Variants in ANO3 observed in about 807,000 individuals in gnomAD.
The protein encoded by ANO3 is anoctamin-3.
A neutral mutation model predicts 144.8 loss-of-function variants in ANO3; 99 were observed. The ratio of observed to expected loss-of-function variants is 0.68; its 90% CI spans 0.58 to 0.81. The LOEUF is 0.81. Ranked by LOEUF, ANO3 falls within the 30% of genes least tolerant of loss-of-function variation. The pLI, the probability that ANO3 is intolerant of heterozygous loss-of-function variation, is 0.00. For missense variants in ANO3, 905 were observed against 1,202.2 expected (o/e 0.75, Z 3.66); for synonymous variants, 414 against 392.6 (o/e 1.05, Z -0.64).
chr11:26,460,293 G>C (rs1325659602), intron 3 of ANO3, among the ~76,000 whole-genome samples: 1 of 151,728 alleles, frequency 6.6e-6, no homozygotes, highest in Non-Finnish European at 1.5e-5. Flanking sequence ...TTAGGTTCAA[G>C]AGGTATATGT....
At chr11:26,368,645 AAG>A (rs1057149504) in intron 1 of ANO3, among the ~76,000 whole-genome samples, 17 of 151,360 alleles carry the variant, frequency 1.1e-4, no homozygotes, top group Admixed American at 5.3e-4. Flanking sequence ...AAGAGAGACA[AAG>A]AGGAGGGAAG....
chr11:26,559,336 T>G (rs1308971338), intron 13 of ANO3: 2 of 169,940 alleles, frequency 1.2e-5, no homozygotes, highest in Non-Finnish European at 2.5e-5. Flanking sequence ...TCCTAGAAGT[T>G]TTGCTAACAG....
chr11:26,274,296 T>C (rs1853511741), intron 1 of ANO3, among the ~76,000 whole-genome samples: 1 of 151,978 alleles, frequency 6.6e-6, no homozygotes, highest in African/African-American at 2.4e-5. Flanking sequence ...AAATAAACAA[T>C]ATACAATATT....
intron 1 of ANO3, among the ~76,000 whole-genome samples, chr11:26,407,413 C>T (rs769247110): frequency 1.1e-4 from 16 of 151,652 alleles, no homozygotes; most frequent in Non-Finnish European, 2.2e-4. Context: ...GGAACATATT[C>T]TAGTACTGAC....
At chr11:26,573,155 C>T (rs888361606) in intron 14 of ANO3, among the ~76,000 whole-genome samples, 1 of 152,122 alleles carries the variant, frequency 6.6e-6, no homozygotes, top group East Asian at 1.9e-4. Context: ...AACTGCTGAG[C>T]GAGAAACGAA....
At position 26,634,232 on chromosome 11, in the gene ANO3, A is replaced by G; in HGVS notation, c.1902A>G (p.Glu634=). The change falls in exon 19 of 27, where the codon GAA becomes GAG. Residue 634 remains glutamate (E), a synonymous_variant. Transcript: ENST00000256737. ...ATCCTCGAACAGAATCAGAGTGGGAAAACAGCTTCGCCCTGAAGATGTTCC... is the reference window on the plus strand; with the variant it reads ...ATCCTCGAACAGAATCAGAGTGGGAGAACAGCTTCGCCCTGAAGATGTTCC... The part of the protein sequence containing the change: ...LEYPRTESEW[E]NSFALKMFLF... 1.2e-6 allele frequency: 2 copies of G among 1,613,870 alleles called. No individual in the cohort carries two copies. Among genetic ancestry groups the G allele is most frequent in the East Asian group, 4.5e-5 (2 of 44,866 alleles).
rs12280854 is a variant in ANO3, at chr11:26,245,014, T to C, written c.154+55684T>C. ...GTGTGTGTGTGTGTGTGTGTGTGTG[T>C]GTGTGTGCATGCATGCATTTGTCTT... On this transcript the variant is annotated intron_variant, in intron 1 of 27. Coordinates refer to the ANO3 transcript ENST00000672621. 5.0e-3 allele frequency among the ~76,000 whole-genome samples: 531 copies of C among 106,176 alleles called. 6 individuals are homozygous for C. Among genetic ancestry groups the C allele is most frequent in the African/African-American group, 0.014 (414 of 30,114 alleles). 69.7% of individuals were successfully genotyped at this position (106,176 alleles called of 152,430 possible).
intron 4 of ANO3, among the ~76,000 whole-genome samples, chr11:26,475,524 A>T (rs1386416652): frequency 6.6e-6 from 1 of 152,026 alleles, no homozygotes; most frequent in East Asian, 1.9e-4. Context: ...ACCTAGACCA[A>T]TTCATTGCTT....
At chr11:26,223,096 G>T (rs1391652512) in intron 1 of ANO3, among the ~76,000 whole-genome samples, 2 of 149,800 alleles carry the variant, frequency 1.3e-5, no homozygotes, top group Non-Finnish European at 3.0e-5. Flanking sequence ...AGGCTTTTCT[G>T]CTCTGCTTCT....
At chr11:26,203,679 C>T (rs1028401955) in intron 1 of ANO3, among the ~76,000 whole-genome samples, 1 of 152,122 alleles carries the variant, frequency 6.6e-6, no homozygotes, top group African/African-American at 2.4e-5. Context: ...ATAGGAAGCA[C>T]ATCATTCACA....
chr11:26,532,406 CT>C (rs35397870), intron 8 of ANO3, among the ~76,000 whole-genome samples: 1 of 151,556 alleles, frequency 6.6e-6, no homozygotes, highest in African/African-American at 2.4e-5. Flanking sequence ...ACATTCTACT[CT>C]TTTTTTTTAA....
intron 18 of ANO3, among the ~76,000 whole-genome samples, chr11:26,632,584 A>C (rs1286149571): frequency 6.8e-6 from 1 of 146,896 alleles, no homozygotes; most frequent in Non-Finnish European, 1.5e-5. Flanking sequence ...TATACGTTTT[A>C]TATATATATA....
intron 1 of ANO3, among the ~76,000 whole-genome samples, chr11:26,290,448 C>A (rs11029488): frequency 0.019 from 2,961 of 152,224 alleles, 59 homozygotes; most frequent in East Asian, 0.12. Context: ...CTGCCTTCTG[C>A]TAGCTTTTGA....
chr11:26,240,926 C>T (rs1852650324), intron 1 of ANO3, among the ~76,000 whole-genome samples: 1 of 152,116 alleles, frequency 6.6e-6, no homozygotes, highest in Non-Finnish European at 1.5e-5. Context: ...TCTGCTTCAT[C>T]CTTGATATGG....
At chr11:26,225,067 A>T (rs1245948953) in intron 1 of ANO3, among the ~76,000 whole-genome samples, 4 of 152,296 alleles carry the variant, frequency 2.6e-5, no homozygotes, top group South Asian at 4.1e-4. Context: ...TCAAGAAAAG[A>T]TTCTCTCCTT....
At chr11:26,197,346 T>A (rs1212084169) in intron 1 of ANO3, among the ~76,000 whole-genome samples, 1 of 151,952 alleles carries the variant, frequency 6.6e-6, no homozygotes, top group Non-Finnish European at 1.5e-5. Context: ...ATATTTTTGT[T>A]TTTGTTTTTG....
intron 1 of ANO3, chr11:26,189,339 A>C (rs1055571519): frequency 2.0e-6 from 2 of 984,676 alleles, no homozygotes; most frequent in Non-Finnish European, 2.4e-6. Flanking sequence ...TGGTAAGCTA[A>C]CCTTTAGATT....
At chr11:26,294,928 C>A (rs1278213269) in intron 1 of ANO3, among the ~76,000 whole-genome samples, 1 of 151,724 alleles carries the variant, frequency 6.6e-6, no homozygotes, top group East Asian at 1.9e-4. Context: ...GAGACGGAGT[C>A]TTTCTCCCTT....
At chr11:26,486,358 C>CT (rs1860448363) in intron 4 of ANO3, among the ~76,000 whole-genome samples, 1 of 58,632 alleles carries the variant, frequency 1.7e-5, no homozygotes, top group Non-Finnish European at 3.5e-5. Flanking sequence ...GAGACTCTGT[C>CT]TCAAAAAAAA....
Sources: gnomAD v4.1 joint callset for allele counts (sites outside exome capture counted in the v4.1 genomes callset) on GRCh38, gnomAD v4.1.1 for gene constraint, MANE v1.5 for transcripts, NCBI Gene and HGNC (gene_info 2026-07-23, HGNC 2026-07-21) for gene names.